Variants in IL1RAPL1 observed in about 807,000 individuals in gnomAD.
IL1RAPL1 encodes interleukin-1 receptor accessory protein-like 1.
Under a neutral mutation model 48.4 loss-of-function variants are expected in IL1RAPL1, and 3 were observed. The observed-to-expected ratio is 0.06, with a 90% CI of 0.03 to 0.16. The LOEUF (loss-of-function observed/expected upper bound fraction) is 0.16, where lower values mean the gene tolerates loss of function less well. IL1RAPL1 is among the 10% of genes least tolerant of loss of function. The pLI, the probability that IL1RAPL1 is intolerant of heterozygous loss-of-function variation, is 1.00. For missense variants in IL1RAPL1, 349 were observed against 530.6 expected (o/e 0.66, Z 3.36); for synonymous variants, 185 against 187.7 (o/e 0.99, Z 0.12).
chrX:29,030,816 A>G (rs959924054), intron 2 of IL1RAPL1, among the ~76,000 whole-genome samples: 5 of 111,687 alleles, frequency 4.5e-5, no homozygotes, highest in African/African-American at 1.6e-4. Context: ...TGAGAAGGCC[A>G]AAGATAAGGT....
intron 2 of IL1RAPL1, among the ~76,000 whole-genome samples, chrX:28,903,189 G>A (rs1456403233): frequency 9.1e-6 from 1 of 110,089 alleles, no homozygotes; most frequent in Non-Finnish European, 1.9e-5. Context: ...GCGCTATCTC[G>A]GCTCACTGCA....
intron 6 of IL1RAPL1, among the ~76,000 whole-genome samples, chrX:29,860,722 G>T (rs1443778478): frequency 8.9e-6 from 1 of 112,019 alleles, no homozygotes; most frequent in Non-Finnish European, 1.9e-5. Context: ...GTATTCCCTG[G>T]TGTATATGTG....
chrX:29,477,891 A>AATATCT (rs1300982236), intron 5 of IL1RAPL1, among the ~76,000 whole-genome samples: 1 of 112,326 alleles, frequency 8.9e-6, no homozygotes, highest in Non-Finnish European at 1.9e-5. Context: ...TTAATAGAAA[A>AATATCT]ATATCTATGC....
At chrX:28,843,676 A>G (rs1051815820) in intron 2 of IL1RAPL1, among the ~76,000 whole-genome samples, 2 of 112,261 alleles carry the variant, frequency 1.8e-5, no homozygotes, top group African/African-American at 6.5e-5. Context: ...TCTAAATAGC[A>G]TGTTATACAA....
intron 2 of IL1RAPL1, among the ~76,000 whole-genome samples, chrX:28,891,985 T>G (rs1201792873): frequency 8.9e-6 from 1 of 111,864 alleles, no homozygotes; most frequent in Non-Finnish European, 1.9e-5. Flanking sequence ...CAGAACATAT[T>G]TTCATATACC....
intron 6 of IL1RAPL1, among the ~76,000 whole-genome samples, chrX:29,716,927 T>A (rs781412938): frequency 9.0e-6 from 1 of 111,281 alleles, no homozygotes; most frequent in Non-Finnish European, 1.9e-5. Context: ...TGCCAAACAC[T>A]GAAATTTTCT....
chrX:29,878,904 A>T (rs1335836838), intron 6 of IL1RAPL1, among the ~76,000 whole-genome samples: 1 of 111,901 alleles, frequency 8.9e-6, no homozygotes, highest in Non-Finnish European at 1.9e-5. Context: ...CTGGGCATTT[A>T]CCAAAGAGAA....
chrX:29,636,423 T>TA, intron 5 of IL1RAPL1, among the ~76,000 whole-genome samples: 1 of 112,327 alleles, frequency 8.9e-6, no homozygotes, highest in East Asian at 2.8e-4. Context: ...TAATCTCAGA[T>TA]ATTGCCAGTA....
chrX:29,208,721 A>G (rs1930713569), intron 2 of IL1RAPL1, among the ~76,000 whole-genome samples: 2 of 87,176 alleles, frequency 2.3e-5, no homozygotes, highest in African/African-American at 1.2e-4. Flanking sequence ...TAATAATAAT[A>G]ATAATAATAA....
chrX:29,141,980 T>C (rs2147492199), intron 2 of IL1RAPL1, among the ~76,000 whole-genome samples: 1 of 112,181 alleles, frequency 8.9e-6, no homozygotes, highest in East Asian at 2.8e-4. Context: ...AACAATATTT[T>C]CTTTAGTTTT....
chrX:29,048,522 A>G (rs1197560315), intron 2 of IL1RAPL1, among the ~76,000 whole-genome samples: 2 of 111,631 alleles, frequency 1.8e-5, no homozygotes, highest in African/African-American at 6.5e-5. Context: ...TTTACTATCA[A>G]CCTACTTAGT....
intron 1 of IL1RAPL1, among the ~76,000 whole-genome samples, chrX:28,737,536 G>T (rs1461007618): frequency 9.0e-6 from 1 of 110,892 alleles, no homozygotes; most frequent in Non-Finnish European, 1.9e-5. Context: ...GGGATTACAG[G>T]CATGAGCCAC....
chrX:29,015,449 A>G (rs182809663), intron 2 of IL1RAPL1, among the ~76,000 whole-genome samples: 13 of 111,112 alleles, frequency 1.2e-4, no homozygotes, highest in African/African-American at 4.3e-4. Context: ...TACAGATACT[A>G]TATTGATGGT....
intron 5 of IL1RAPL1, among the ~76,000 whole-genome samples, chrX:29,536,504 A>G (rs1250452719): frequency 8.9e-6 from 1 of 111,854 alleles, no homozygotes; most frequent in African/African-American, 3.2e-5. Flanking sequence ...TGATGAAGAA[A>G]GAAAAATGTT....
intron 2 of IL1RAPL1, among the ~76,000 whole-genome samples, chrX:29,069,231 G>C (rs1262268992): frequency 1.8e-5 from 2 of 111,914 alleles, no homozygotes; most frequent in Non-Finnish European, 3.8e-5. Context: ...GAAGTGCATA[G>C]TGAAATGTTT....
At chrX:29,448,748 A>T (rs1454906098) in intron 5 of IL1RAPL1, among the ~76,000 whole-genome samples, 1 of 111,198 alleles carries the variant, frequency 9.0e-6, no homozygotes, top group African/African-American at 3.3e-5. Flanking sequence ...CTCCACAACA[A>T]TACCATAGAC....
At chrX:28,984,251 T>G (rs2147376736) in intron 2 of IL1RAPL1, among the ~76,000 whole-genome samples, 1 of 111,654 alleles carries the variant, frequency 9.0e-6, no homozygotes, top group Admixed American at 9.5e-5. Flanking sequence ...AATTATAAAT[T>G]TAATGATAAA....
At chrX:29,371,194 C>T (rs759090435) in intron 3 of IL1RAPL1, among the ~76,000 whole-genome samples, 6 of 94,658 alleles carry the variant, frequency 6.3e-5, no homozygotes, top group Admixed American at 3.9e-4. Context: ...TGCAGTGGCA[C>T]GATCTTGGCT....
At chrX:29,236,324 A>G (rs1400743728) in intron 2 of IL1RAPL1, among the ~76,000 whole-genome samples, 1 of 111,149 alleles carries the variant, frequency 9.0e-6, no homozygotes, top group Non-Finnish European at 1.9e-5. Context: ...AGTCACACTT[A>G]CGTTGGATTG....
Sources: allele counts gnomAD v4.1 joint callset (sites outside exome capture counted in the v4.1 genomes callset), GRCh38; gene constraint gnomAD v4.1.1; transcripts MANE v1.5; gene names NCBI Gene and HGNC (gene_info 2026-07-23, HGNC 2026-07-21).